Variants in GALNT11 observed in about 807,000 individuals in gnomAD.
GALNT11 encodes UDP-GalNAc:polypeptide N-acetylgalactosaminyltransferase 11.
In GALNT11, 47 loss-of-function variants were observed where a neutral mutation model predicts 72.7. That is an observed-to-expected ratio of 0.65 (90% CI 0.51 to 0.82). The LOEUF (loss-of-function observed/expected upper bound fraction) is 0.82, where lower values mean the gene tolerates loss of function less well. Among genes scored for constraint, GALNT11 ranks in the 40% least tolerant of loss-of-function variants. The pLI, the probability that GALNT11 is intolerant of heterozygous loss-of-function variation, is 0.00. For missense variants in GALNT11, 677 were observed against 778.4 expected, an observed-to-expected ratio of 0.87 and a Z score of 1.55; for synonymous variants, 270 against 286.6, an observed-to-expected ratio of 0.94 and a Z score of 0.58.
Position 152,048,169 on chromosome 7 carries a change from C to T in GALNT11, c.-39+22285C>T, listed in dbSNP as rs1003677463. On this transcript the variant is annotated intron_variant, in intron 1 of 11. Coordinates refer to ENST00000430044, the MANE Select transcript of GALNT11 (RefSeq NM_022087.4). ...CCTTCATGTTTGAAGAATATTTTTG[C>T]GGGATATAGTATTCTAAGATAAAAG... Among the ~76,000 whole-genome samples the T allele has an allele frequency of 6.6e-5, 10 of 151,946 alleles. No individual in the cohort carries two copies. In the South Asian group the frequency reaches 1.5e-3, roughly 22 times the overall value.
Position 152,121,808 on chromosome 7 carries a change from A to C in GALNT11, c.*131A>C, listed in dbSNP as rs1219460852. On this transcript the variant is annotated 3_prime_UTR_variant, in exon 12 of 12. Transcript: ENST00000430044. Reference sequence around the variant, plus strand: ...AGATGACAGTTCCCTGTCCTCCCGGAGATGCCTGGGTGTGTTAGCAGAGGT... The same window carrying C: ...AGATGACAGTTCCCTGTCCTCCCGGCGATGCCTGGGTGTGTTAGCAGAGGT... 8.4e-7 allele frequency: 1 copy of C among 1,194,218 alleles called. No homozygotes were observed. Among genetic ancestry groups the C allele is most frequent in the East Asian group, 2.4e-5 (1 of 40,886 alleles). 74.0% of individuals were successfully genotyped at this position (1,194,218 alleles called of 1,614,324 possible). A position where few individuals can be genotyped will look rare whatever the true frequency, so the allele number is the denominator to read the frequency against.
intron 2 of GALNT11, among the ~76,000 whole-genome samples, chr7:152,099,653 G>A (rs534157279): frequency 6.8e-6 from 1 of 147,726 alleles, no homozygotes; most frequent in African/African-American, 2.5e-5. Context: ...TTCCCATAGT[G>A]CTGGGATTAC....
chr7:152,034,734 C>T (rs1187263538), intron 1 of GALNT11, among the ~76,000 whole-genome samples: 3 of 152,258 alleles, frequency 2.0e-5, no homozygotes, highest in Non-Finnish European at 2.9e-5. Flanking sequence ...CTGGACCCTG[C>T]GGATGGGAAT....
At chr7:152,104,040 G>A (rs895455713) in intron 4 of GALNT11, 16 of 152,104 alleles carry the variant, frequency 1.1e-4, no homozygotes, top group East Asian at 3.8e-4. Context: ...TATTCTGTAC[G>A]CCTTTCTTAA....
intron 1 of GALNT11, among the ~76,000 whole-genome samples, chr7:152,072,838 T>C (rs895110394): frequency 6.6e-6 from 1 of 152,222 alleles, no homozygotes. Flanking sequence ...GTGTCTTTTT[T>C]ACTTTGTGTG....
At chr7:152,068,964 A>G (rs1462192262) in intron 1 of GALNT11, among the ~76,000 whole-genome samples, 1 of 152,230 alleles carries the variant, frequency 6.6e-6, no homozygotes, top group Non-Finnish European at 1.5e-5. Context: ...TCCCACAAGC[A>G]CATGAAAACC....
chr7:152,075,531 G>A (rs760440780), intron 1 of GALNT11, among the ~76,000 whole-genome samples: 1 of 150,096 alleles, frequency 6.7e-6, no homozygotes, highest in Non-Finnish European at 1.5e-5. Context: ...ACTGGGCCCC[G>A]TGGCTCCCGC....
At chr7:152,107,265 A>C (rs930099530) in intron 5 of GALNT11, 1 of 151,586 alleles carries the variant, frequency 6.6e-6, no homozygotes, top group African/African-American at 2.4e-5. Flanking sequence ...AAAAAACCTC[A>C]GTTCTGCTCA....
chr7:152,121,590 A>G lies in GALNT11; in HGVS notation c.1740A>G (p.Arg580=). 2 of 1,614,154 alleles carry G rather than the reference A, an allele frequency of 1.2e-6. No homozygotes were observed. The highest frequency in any genetic ancestry group is 1.7e-6 in the Non-Finnish European group (2 of 1,180,022). Residue 580 remains arginine, a synonymous_variant, in exon 12 of 12, where the codon AGA becomes AGG. Coordinates refer to ENST00000430044, the MANE Select transcript of GALNT11 (RefSeq NM_022087.4). ...LYQVSVGQCL[R]AVDPLGQKGS... is the part of the protein sequence containing the mutation. The stretch of plus-strand genomic sequence containing the variant: ...AGGTGTCGGTTGGACAGTGCCTGAG[A>G]GCAGTGGATCCCCTGGGTCAGAAGG...
intron 8 of GALNT11, among the ~76,000 whole-genome samples, chr7:152,116,614 C>T (rs758938763): frequency 9.9e-5 from 15 of 152,018 alleles, no homozygotes; most frequent in African/African-American, 3.6e-4. Flanking sequence ...AACTAGACTT[C>T]GAAAGTTATT....
intron 6 of GALNT11, among the ~76,000 whole-genome samples, chr7:152,110,021 G>GATTCTAGGAGCACCCTGCCACACAAAC (rs2088012246): frequency 1.3e-5 from 2 of 152,134 alleles, no homozygotes; most frequent in African/African-American, 2.4e-5. Context: ...CCTCAACCCA[G>GATTCTAGGAGCACCCTGCCACACAAAC]ATTCTAGGAG....
intron 1 of GALNT11, among the ~76,000 whole-genome samples, chr7:152,050,111 C>G (rs1369671995): frequency 6.6e-6 from 1 of 152,068 alleles, no homozygotes; most frequent in East Asian, 1.9e-4. Flanking sequence ...CCCACTGTGG[C>G]CACACTGATA....
At chr7:152,114,782 T>C (rs567119996) in intron 8 of GALNT11, among the ~76,000 whole-genome samples, 2 of 152,134 alleles carry the variant, frequency 1.3e-5, no homozygotes, top group Non-Finnish European at 2.9e-5. Context: ...GTGCACCTCC[T>C]GTATGCCAGG....
intron 7 of GALNT11, 57 bp from the exon 8 acceptor site, chr7:152,113,189 C>T: frequency 1.3e-6 from 2 of 1,509,796 alleles, no homozygotes; most frequent in Non-Finnish European, 8.9e-7. Context: ...AAAATTCATA[C>T]ATTGGTTTCA....
At chr7:152,029,844 A>T (rs547674377) in intron 1 of GALNT11, among the ~76,000 whole-genome samples, 1 of 152,206 alleles carries the variant, frequency 6.6e-6, no homozygotes, top group Non-Finnish European at 1.5e-5. Flanking sequence ...GTTAGTTAAG[A>T]TTTAGATCCC....
chr7:152,090,490 G>A (rs1420912177), intron 1 of GALNT11, among the ~76,000 whole-genome samples: 1 of 152,152 alleles, frequency 6.6e-6, no homozygotes, highest in African/African-American at 2.4e-5. Context: ...CACTACTTAG[G>A]TTCTGTAGAA....
At chr7:152,030,087 G>A (rs563596670) in intron 1 of GALNT11, among the ~76,000 whole-genome samples, 44 of 152,278 alleles carry the variant, frequency 2.9e-4, no homozygotes, top group African/African-American at 9.6e-4. Flanking sequence ...TTTTTTCCCC[G>A]TGTGCGGAGA....
At position 152,108,273 on chromosome 7, in the gene GALNT11, C is replaced by T; in HGVS notation, c.948C>T (p.Ala316=). 6.2e-7 allele frequency: 1 copy of T among 1,609,974 alleles called. No individual in the cohort carries two copies. The highest frequency in any genetic ancestry group is 8.5e-7 in the Non-Finnish European group (1 of 1,176,506). ...PLSELGRAEG[A]TAPIKSPTMA... ...CTGAGCTAGGACGAGCGGAGGGAGC[C>T]ACTGCACCAATAAAGTAAGATCGCT... Residue 316 remains alanine (A), a synonymous_variant, in exon 6 of 12, where the codon GCC becomes GCT. Coordinates refer to ENST00000430044, the MANE Select transcript of GALNT11 (RefSeq NM_022087.4).
rs1227293030 is a variant in GALNT11 at position 152,039,677 on chromosome 7, C to T, written c.-39+13793C>T. On this transcript the variant is annotated intron_variant, in intron 1 of 11. Coordinates refer to ENST00000430044, the MANE Select transcript of GALNT11 (RefSeq NM_022087.4). ...TGCAACCGGGGGTCCTCGGGATTCT[C>T]CTGGAATCTTTTCCCCAGCATCTGG... Among the ~76,000 whole-genome samples the T allele has an allele frequency of 5.3e-5, 8 of 152,210 alleles. No individual in the cohort carries two copies. In the South Asian group the frequency reaches 1.7e-3, roughly 32 times the overall value.
Sources: gnomAD v4.1 joint callset for allele counts (sites outside exome capture counted in the v4.1 genomes callset) on GRCh38, gnomAD v4.1.1 for gene constraint, MANE v1.5 for transcripts, NCBI Gene and HGNC (gene_info 2026-07-23, HGNC 2026-07-21) for gene names.